FBXO21: variants seen among roughly 807,000 people sequenced by gnomAD.
The protein encoded by FBXO21 is F-box protein 21.
In FBXO21, 32 loss-of-function variants were observed where a neutral mutation model predicts 76.6. The observed-to-expected ratio is 0.42, with a 90% CI of 0.32 to 0.56. The LOEUF (loss-of-function observed/expected upper bound fraction) is 0.56, where lower values mean the gene tolerates loss of function less well. Among genes scored for constraint, FBXO21 ranks in the 20% least tolerant of loss-of-function variants. The pLI, the probability that FBXO21 is intolerant of heterozygous loss-of-function variation, is 0.16. For synonymous variants in FBXO21, 328 were observed against 311.5 expected, an observed-to-expected ratio of 1.05 and a Z score of -0.56; for missense variants, 586 against 797.3, an observed-to-expected ratio of 0.73 and a Z score of 3.19.
chr12:117,175,735 C>T (rs561552365), intron 4 of FBXO21, among the ~76,000 whole-genome samples: 1 of 152,328 alleles, frequency 6.6e-6, no homozygotes, highest in African/African-American at 2.4e-5. Flanking sequence ...TCCCAGACTT[C>T]TTCGATGGCA....
At chr12:117,161,377 G>C (rs796313895) in intron 9 of FBXO21, among the ~76,000 whole-genome samples, 3 of 152,184 alleles carry the variant, frequency 2.0e-5, no homozygotes, top group African/African-American at 7.2e-5. Flanking sequence ...CAGGCAAGCA[G>C]GGCCAGACCG....
At chr12:117,174,108 G>T in intron 6 of FBXO21, 97 bp downstream of exon 6, 1 of 1,042,268 alleles carries the variant, frequency 9.6e-7, no homozygotes, top group Admixed American at 1.9e-5. Context: ...CTGCATTCCA[G>T]CCTGAGCAAC....
intron 3 of FBXO21, among the ~76,000 whole-genome samples, chr12:117,180,387 C>T (rs1416818868): frequency 1.3e-5 from 2 of 152,232 alleles, no homozygotes; most frequent in Non-Finnish European, 2.9e-5. Context: ...CATATACCTA[C>T]ATGTATTTAA....
chr12:117,158,841 C>G (rs1452359645), intron 9 of FBXO21, among the ~76,000 whole-genome samples: 1 of 152,198 alleles, frequency 6.6e-6, no homozygotes, highest in Non-Finnish European at 1.5e-5. Context: ...CACACAGTGC[C>G]TCTGTGGAAA....
intron 2 of FBXO21, among the ~76,000 whole-genome samples, chr12:117,188,219 G>C (rs969228562): frequency 3.9e-5 from 6 of 152,158 alleles, no homozygotes; most frequent in Admixed American, 2.0e-4. Flanking sequence ...TTATTTTCCA[G>C]AGTTACAAAA....
Position 117,174,214 on chromosome 12 carries a change from A to G in FBXO21, c.867T>C (p.Tyr289=). The G allele has an allele frequency of 1.2e-6, 2 of 1,611,564 alleles. No individual in the cohort carries two copies. Among genetic ancestry groups the G allele is most frequent in the Non-Finnish European group, 1.7e-6 (2 of 1,177,646 alleles). Reference sequence around the variant, plus strand: ...CTGTACCTATATTTACCTGATGCATATATAAGTTGAGGGCATTATAGTAAT... The same window carrying G: ...CTGTACCTATATTTACCTGATGCATGTATAAGTTGAGGGCATTATAGTAAT... ...RMDYYNALNL[Y]MHQVLIRRTG... is the part of the protein sequence containing the mutation. The change falls in exon 6 of 12, where the codon TAT becomes TAC. Residue 289 remains tyrosine, a synonymous_variant. Transcript: ENST00000622495.
intron 11 of FBXO21, among the ~76,000 whole-genome samples, chr12:117,151,520 A>G (rs527588750): frequency 2.5e-4 from 38 of 152,384 alleles, no homozygotes; most frequent in African/African-American, 8.4e-4. Context: ...CATTGGAGCC[A>G]AAGGCTGGAA....
intron 11 of FBXO21, among the ~76,000 whole-genome samples, chr12:117,151,873 A>T (rs1251046662): frequency 6.6e-6 from 1 of 152,086 alleles, no homozygotes; most frequent in African/African-American, 2.4e-5. Flanking sequence ...GATATTCAAA[A>T]AGTGCTAAAA....
intron 9 of FBXO21, among the ~76,000 whole-genome samples, chr12:117,158,337 T>C (rs1215241935): frequency 1.3e-5 from 2 of 152,168 alleles, no homozygotes; most frequent in African/African-American, 2.4e-5. Flanking sequence ...GAGGAGTTCT[T>C]TGGAAACCAG....
intron 4 of FBXO21, among the ~76,000 whole-genome samples, chr12:117,176,708 G>C (rs1464791486): frequency 3.9e-5 from 6 of 152,092 alleles, no homozygotes; most frequent in Non-Finnish European, 7.4e-5. Flanking sequence ...CAGGTGTGGT[G>C]GCACTTGAGC....
chr12:117,152,295 C>G (rs1413165130), intron 11 of FBXO21, among the ~76,000 whole-genome samples: 2 of 152,074 alleles, frequency 1.3e-5, no homozygotes, highest in African/African-American at 4.8e-5. Context: ...GGTGAAACCC[C>G]ATTTCTACAA....
intron 10 of FBXO21, 43 bp from the exon 11 acceptor site, chr12:117,155,991 C>T (rs370369543): frequency 5.0e-6 from 8 of 1,595,358 alleles, no homozygotes; most frequent in African/African-American, 4.0e-5. Context: ...CAGACCCGGC[C>T]GCAACAACCT....
At position 117,174,744 on chromosome 12, in the gene FBXO21, C is replaced by CT; in HGVS notation, c.645dup (p.Asp216ArgfsTer7). ...ATGCTGTCAATTTGGGCCTGGATGT[C>CT]TTTGAGGCTGATGTCGGAGAGAGGA... On this transcript the variant is annotated frameshift_variant, in exon 5 of 12. Coordinates refer to ENST00000622495, the MANE Select transcript of FBXO21 (RefSeq NM_015002.3). LOFTEE classifies it high-confidence loss of function. 1 of 1,614,182 alleles carries CT rather than the reference C, an allele frequency of 6.2e-7. No homozygotes were observed. The highest frequency in any genetic ancestry group is 8.5e-7 in the Non-Finnish European group (1 of 1,180,026).
At position 117,188,259 on chromosome 12, in the gene FBXO21, G is replaced by A. The variant is rs183937203; in HGVS notation, c.375+968C>T. 4.0e-3 allele frequency among the ~76,000 whole-genome samples: 611 copies of A among 152,198 alleles called. 4 individuals carry two copies. The highest frequency in any genetic ancestry group is 0.014 in the African/African-American group (573 of 41,538). ...ATCAGGGGCAGATACAGAAACTTCC[G>A]TGAGGCCAGGCACGGTGGCTCACGC... On this transcript the variant is annotated intron_variant, in intron 2 of 11. Coordinates refer to ENST00000622495, the MANE Select transcript of FBXO21 (RefSeq NM_015002.3).
Position 117,145,938 on chromosome 12 carries a change from T to C in FBXO21, c.*149A>G. 1.8e-6 allele frequency: 1 copy of C among 570,824 alleles called. No individual in the cohort carries two copies. Among genetic ancestry groups the C allele is most frequent in the Non-Finnish European group, 3.0e-6 (1 of 330,000 alleles). The allele number at this position is 570,824 out of a possible 1,614,324, so 35.4% of individuals were successfully genotyped here. The stretch of plus-strand genomic sequence containing the variant: ...CAGCTGGGGAAGAGCACACGGTATT[T>C]AAACTTAGTAGGAGGCAACCAGCAC... On this transcript the variant is annotated 3_prime_UTR_variant, in exon 12 of 12. Transcript: ENST00000622495.
In FBXO21 at chr12:117,143,489, T is replaced by C. The variant is rs1402743410; in HGVS notation, c.*2598A>G. 6.6e-6 allele frequency: 1 copy of C among 152,238 alleles called. No individual in the cohort carries two copies. Among genetic ancestry groups the C allele is most frequent in the Non-Finnish European group, 1.5e-5 (1 of 68,050 alleles). 9.4% of individuals were successfully genotyped at this position (152,238 alleles called of 1,614,324 possible). On this transcript the variant is annotated 3_prime_UTR_variant, in exon 12 of 12. Transcript: ENST00000622495. ...AACAGAACGCACGAAGAACCTGGTT[T>C]TCTTTCAAAGCATGAGCAGTTCTCA...
intron 3 of FBXO21, among the ~76,000 whole-genome samples, chr12:117,182,810 G>A (rs1257888928): frequency 2.0e-5 from 3 of 152,004 alleles, no homozygotes; most frequent in Admixed American, 6.6e-5. Context: ...TGATCAACCC[G>A]CCTCGGCCTC....
At position 117,182,564 on chromosome 12, in the gene FBXO21, CTTTT is replaced by C. The variant is rs891529583; in HGVS notation, c.470+3909_470+3912del. On this transcript the variant is annotated intron_variant, in intron 3 of 11. Coordinates refer to ENST00000622495, the MANE Select transcript of FBXO21 (RefSeq NM_015002.3). Reference sequence around the variant, plus strand: ...CATTGGGAGGCCACAGCAAGAGGATCTTTTTTTTTTTTTTTTTTTTTTTGGACCG... The same window carrying C: ...CATTGGGAGGCCACAGCAAGAGGATCTTTTTTTTTTTTTTTTTTTGGACCG... Among the ~76,000 whole-genome samples the C allele has an allele frequency of 7.2e-5, 6 of 83,324 alleles. 1 individual carries two copies. The highest frequency in any genetic ancestry group is 6.8e-4 in the Admixed American group (4 of 5,882). 54.7% of individuals were successfully genotyped at this position (83,324 alleles called of 152,430 possible).
chr12:117,167,024 T>C lies in FBXO21; in HGVS notation c.1067A>G (p.Lys356Arg). The C allele has an allele frequency of 1.9e-6, 3 of 1,614,168 alleles. No homozygotes were observed. The highest frequency in any genetic ancestry group is 2.5e-6 in the Non-Finnish European group (3 of 1,180,032). ...CTCGCATTCTTTCACTGTCAGCTGC[T>C]TGCCTTTCCCAAAAGCATCTATGTA... ...YIYIDAFGKG[K>R]QLTVKECEYL... The change falls in exon 8 of 12, where the codon AAG becomes AGG. Residue 356 changes from lysine to arginine, a missense_variant. Lys to Arg is a conservative substitution (Grantham distance 26). This residue lies in a region of FBXO21 where 246 missense variants were observed against 356.8 expected (regional missense o/e 0.69). Coordinates refer to ENST00000622495, the MANE Select transcript of FBXO21 (RefSeq NM_015002.3).
Sources: allele counts gnomAD v4.1 joint callset (sites outside exome capture counted in the v4.1 genomes callset), GRCh38; gene constraint gnomAD v4.1.1; regional missense constraint gnomAD v4.1.1; transcripts MANE v1.5; gene names NCBI Gene and HGNC (gene_info 2026-07-23, HGNC 2026-07-21).